Variants in ANK2 observed in about 807,000 individuals in gnomAD.
ANK2 encodes the protein ankyrin-2.
ANK2 carries 83 observed loss-of-function variants against 360.5 expected under a neutral mutation model. The observed-to-expected ratio is 0.23, with a 90% CI of 0.19 to 0.28. The LOEUF (loss-of-function observed/expected upper bound fraction) is 0.28. ANK2 is among the 10% of genes least tolerant of loss of function. The pLI, the probability that ANK2 is intolerant of heterozygous loss-of-function variation, is 1.00. For synonymous variants in ANK2, 1,740 were observed against 1,759.5 expected, an observed-to-expected ratio of 0.99 and a Z score of 0.28; for missense variants, 4,201 against 4,795.7, an observed-to-expected ratio of 0.88 and a Z score of 3.66.
intron 23 of ANK2, among the ~76,000 whole-genome samples, chr4:113,310,745 G>A (rs2079522409): frequency 6.6e-6 from 1 of 152,114 alleles, no homozygotes; most frequent in Admixed American, 6.6e-5. Flanking sequence ...AATCTTTTTG[G>A]CTTTTTGCAA....
chr4:112,905,696 C>G (rs926565704), intron 2 of ANK2, among the ~76,000 whole-genome samples: 1 of 152,224 alleles, frequency 6.6e-6, no homozygotes, highest in Non-Finnish European at 1.5e-5. Flanking sequence ...GGGTCTCCCT[C>G]TGTCACCCAG....
Position 113,357,460 on chromosome 4 carries a change from G to A in ANK2, c.8842G>A (p.Ala2948Thr), listed in dbSNP as rs1438300578. The change falls in exon 38 of 46, where the codon GCA becomes ACA. Residue 2948 changes from alanine (A) to threonine (T), a missense_variant. Around this residue, in one of 4 missense-constraint regions of ANK2, gnomAD observed 2,642 missense variants for 2,714.5 expected, o/e 0.97. Coordinates refer to ENST00000357077, the MANE Select transcript of ANK2 (RefSeq NM_001148.6). ...TGAAGAAAGCAAAACCCAAACAGAT[G>A]CAAATCACACCACAAGTTTTCACTC... Reference protein sequence around the residue: ...SSEESKTQTDANHTTSFHSSE... With the variant: ...SSEESKTQTDTNHTTSFHSSE... 6.2e-7 allele frequency: 1 copy of A among 1,613,974 alleles called. No homozygotes were observed. Among genetic ancestry groups the A allele is most frequent in the East Asian group, 2.2e-5 (1 of 44,876 alleles).
chr4:112,833,052 C>G (rs558945528), intron 1 of ANK2, among the ~76,000 whole-genome samples: 2 of 152,292 alleles, frequency 1.3e-5, no homozygotes, highest in South Asian at 4.1e-4. Context: ...AGACTAGCTT[C>G]GTTTGGACAT....
intron 9 of ANK2, among the ~76,000 whole-genome samples, chr4:113,245,183 C>A (rs2042191348): frequency 6.6e-6 from 1 of 152,026 alleles, no homozygotes; most frequent in African/African-American, 2.4e-5. Flanking sequence ...AGCTAACAGA[C>A]CTATATCCCT....
At chr4:113,342,479 T>A (rs889535885) in intron 33 of ANK2, among the ~76,000 whole-genome samples, 3 of 152,120 alleles carry the variant, frequency 2.0e-5, no homozygotes, top group Non-Finnish European at 2.9e-5. Context: ...GGTGGGTGGA[T>A]CATCTGAGGT....
At chr4:113,313,105 A>G (rs2080960408) in intron 24 of ANK2, among the ~76,000 whole-genome samples, 2 of 152,192 alleles carry the variant, frequency 1.3e-5, no homozygotes, top group South Asian at 4.1e-4. Context: ...ACTTAGATAA[A>G]GGGTGCTCCC....
In ANK2 at chr4:112,827,654, A is replaced by T. The variant is rs998028985; in HGVS notation, c.-40+9390A>T. On this transcript the variant is annotated intron_variant, in intron 1 of 30. Coordinates refer to the ANK2 transcript ENST00000503271. ...TCCTTGCAATTTACTGCCAAGGAAG[A>T]CACAAAGAGCATTGTTGCACTGTTC... 22 of 733,806 alleles carry T rather than the reference A, an allele frequency of 3.0e-5. No individual in the cohort carries two copies. The African/African-American group carries it at 3.5e-4, about 12-fold the overall frequency. The allele number at this position is 733,806 out of a possible 1,614,324, so 45.5% of individuals were successfully genotyped here. A position where few individuals can be genotyped will look rare whatever the true frequency, so the allele number is the denominator to read the frequency against.
chr4:113,257,989 A>G, intron 11 of ANK2, 61 bp from the exon 12 acceptor site: 1 of 1,413,182 alleles, frequency 7.1e-7, no homozygotes, highest in East Asian at 2.3e-5. Context: ...ATGTGCCAGC[A>G]TGGAGTTGTG....
At chr4:112,847,786 C>T (rs1278836252) in intron 1 of ANK2, among the ~76,000 whole-genome samples, 1 of 152,144 alleles carries the variant, frequency 6.6e-6, no homozygotes, top group African/African-American at 2.4e-5. Flanking sequence ...TTGAAAATTG[C>T]TGGCCTACAG....
chr4:113,219,359 AT>A (rs1414353753), intron 4 of ANK2, among the ~76,000 whole-genome samples: 11 of 151,894 alleles, frequency 7.2e-5, no homozygotes, highest in Non-Finnish European at 4.4e-5. Context: ...GTAAAATTTA[AT>A]TTTTATTATT....
At chr4:113,104,610 G>A (rs1562096044) in intron 1 of ANK2, among the ~76,000 whole-genome samples, 2 of 152,154 alleles carry the variant, frequency 1.3e-5, no homozygotes, top group Non-Finnish European at 2.9e-5. Context: ...AGCTACTTTG[G>A]AGGCTGAGGC....
At chr4:112,883,851 C>A (rs1275974290) in intron 1 of ANK2, among the ~76,000 whole-genome samples, 1 of 148,258 alleles carries the variant, frequency 6.7e-6, no homozygotes, top group Non-Finnish European at 1.5e-5. Context: ...ATAAAAATAT[C>A]ATTCATTCAT....
At chr4:112,942,875 A>G (rs2094328951) in intron 2 of ANK2, among the ~76,000 whole-genome samples, 1 of 152,092 alleles carries the variant, frequency 6.6e-6, no homozygotes, top group Non-Finnish European at 1.5e-5. Context: ...AGTCCTAACA[A>G]TATCTTTTTT....
intron 1 of ANK2, among the ~76,000 whole-genome samples, chr4:112,888,371 C>T (rs559280076): frequency 2.2e-4 from 34 of 152,092 alleles, no homozygotes; most frequent in African/African-American, 3.1e-4. Context: ...AGTCAGAACA[C>T]GCTCATATTT....
Position 112,875,749 on chromosome 4 carries a change from T to C in ANK2, c.-39-28706T>C, listed in dbSNP as rs116948956. On this transcript the variant is annotated intron_variant, in intron 1 of 30. Transcript: ENST00000503271. ...TGTGTGTGGTTTTTTGTTTGTTTGTTTGTTTTAGGAGACAGGGTCTCACTC... is the reference window on the plus strand; with the variant it reads ...TGTGTGTGGTTTTTTGTTTGTTTGTCTGTTTTAGGAGACAGGGTCTCACTC... Among the ~76,000 whole-genome samples the C allele has an allele frequency of 7.2e-3, 1,099 of 151,876 alleles. 29 individuals carry two copies. The highest frequency in any genetic ancestry group is 0.041 in the East Asian group (212 of 5,136).
chr4:113,160,413 C>G, intron 1 of ANK2: 1 of 367,946 alleles, frequency 2.7e-6, no homozygotes, highest in South Asian at 2.1e-5. Context: ...CAATGAGTTT[C>G]AGGTGAATTA....
Position 113,285,140 on chromosome 4 carries a change from G to GT in ANK2, c.2079+2282dup, listed in dbSNP as rs140312322. ...TCTATTTTCTTGATTTATTAGAAAA[G>GT]TTTTTTTTTTTTTTCCAGAAACCTT... On this transcript the variant is annotated intron_variant, in intron 18 of 45. Transcript: ENST00000357077. 1.3e-3 allele frequency among the ~76,000 whole-genome samples: 198 copies of GT among 148,902 alleles called. 1 individual carries two copies. Among genetic ancestry groups the GT allele is most frequent in the African/African-American group, 3.1e-3 (127 of 40,652 alleles).
chr4:113,167,990 C>T lies in ANK2; in HGVS notation c.85-6426C>T, dbSNP rs111994716. 2.7e-3 allele frequency among the ~76,000 whole-genome samples: 408 copies of T among 152,150 alleles called. 1 individual carries two copies. The highest frequency in any genetic ancestry group is 9.5e-3 in the African/African-American group (395 of 41,508). ...TCCAATTTTACTCTCTTTTAAAATA[C>T]AAGAATTTTAGAAAGGAATTCATGA... On this transcript the variant is annotated intron_variant, in intron 1 of 45. Coordinates refer to ENST00000357077, the MANE Select transcript of ANK2 (RefSeq NM_001148.6).
At chr4:113,061,043 C>T (rs1309073507) in intron 1 of ANK2, among the ~76,000 whole-genome samples, 2 of 152,016 alleles carry the variant, frequency 1.3e-5, no homozygotes, top group African/African-American at 2.4e-5. Flanking sequence ...GTTAAAGAAC[C>T]AGTAGGACTG....
Sources: allele counts gnomAD v4.1 joint callset (sites outside exome capture counted in the v4.1 genomes callset), GRCh38; gene constraint gnomAD v4.1.1; regional missense constraint gnomAD v4.1.1; transcripts MANE v1.5; gene names NCBI Gene and HGNC (gene_info 2026-07-23, HGNC 2026-07-21).